Variants in MAML3 observed in about 807,000 individuals in gnomAD.
The protein encoded by MAML3 is mastermind like transcriptional coactivator 3.
A neutral mutation model predicts 101.9 loss-of-function variants in MAML3; 27 were observed. That is an observed-to-expected ratio of 0.27 (90% CI 0.20 to 0.37). MAML3 has a LOEUF of 0.37. Among genes scored for constraint, MAML3 ranks in the 10% least tolerant of loss-of-function variants. MAML3 has a pLI of 1.00. For missense variants in MAML3, 1,316 were observed against 1,444.9 expected (o/e 0.91, Z 1.45); for synonymous variants, 501 against 555.9 (o/e 0.90, Z 1.39).
intron 1 of MAML3, among the ~76,000 whole-genome samples, chr4:139,919,444 T>C (rs1403417248): frequency 1.3e-5 from 2 of 152,218 alleles, no homozygotes; most frequent in Non-Finnish European, 2.9e-5. Flanking sequence ...AAATGGGCAA[T>C]TTGGATGTCA....
At chr4:139,730,388 G>A (rs558512313) in intron 3 of MAML3, 28 bp downstream of exon 3, 4 of 1,541,602 alleles carry the variant, frequency 2.6e-6, no homozygotes, top group Non-Finnish European at 3.5e-6. Context: ...CTGAATGAAT[G>A]AATGAATCAC....
intron 1 of MAML3, among the ~76,000 whole-genome samples, chr4:139,945,579 T>C (rs1026212215): frequency 3.9e-5 from 6 of 152,226 alleles, no homozygotes; most frequent in African/African-American, 1.4e-4. Flanking sequence ...AGTCAAAGGT[T>C]TAATTGCATG....
intron 1 of MAML3, among the ~76,000 whole-genome samples, chr4:140,117,682 T>C (rs1279666660): frequency 6.6e-6 from 1 of 151,756 alleles, no homozygotes; most frequent in Non-Finnish European, 1.5e-5. Flanking sequence ...TACGTATGTG[T>C]ATATATAATC....
chr4:139,972,305 C>A (rs1458038529), intron 1 of MAML3, among the ~76,000 whole-genome samples: 1 of 152,222 alleles, frequency 6.6e-6, no homozygotes, highest in Admixed American at 6.5e-5. Context: ...ACAGTGGTAG[C>A]CACATTGGGC....
chr4:140,130,396 G>A (rs1259358845), intron 1 of MAML3, among the ~76,000 whole-genome samples: 1 of 152,184 alleles, frequency 6.6e-6, no homozygotes, highest in African/African-American at 2.4e-5. Flanking sequence ...TCAACTAAAA[G>A]TGGTACAGTA....
chr4:140,087,576 T>C (rs192305022), intron 1 of MAML3, among the ~76,000 whole-genome samples: 100 of 152,380 alleles, frequency 6.6e-4, no homozygotes, highest in Middle Eastern at 3.4e-3. Flanking sequence ...CACCAAAGTG[T>C]AAGTGAAGAT....
intron 2 of MAML3, among the ~76,000 whole-genome samples, chr4:139,801,631 A>AGGG (rs1387710395): frequency 1.4e-5 from 1 of 70,520 alleles, no homozygotes; most frequent in African/African-American, 4.9e-5. Flanking sequence ...GAGCAGGAAC[A>AGGG]GGGTGTGTGT....
At chr4:139,850,665 C>A (rs889095875) in intron 2 of MAML3, among the ~76,000 whole-genome samples, 1 of 151,910 alleles carries the variant, frequency 6.6e-6, no homozygotes, top group Non-Finnish European at 1.5e-5. Flanking sequence ...CTCAGCCTCC[C>A]GAGTAGCTGG....
intron 1 of MAML3, among the ~76,000 whole-genome samples, chr4:140,069,320 CAAGAAGAAGGAG>C (rs1232181037): frequency 2.2e-5 from 3 of 138,310 alleles, no homozygotes; most frequent in East Asian, 2.2e-4. Flanking sequence ...AGACTCTGTC[CAAGAAGAAGGAG>C]AAGGAGAAGG....
intron 2 of MAML3, among the ~76,000 whole-genome samples, chr4:139,768,700 G>A (rs542801971): frequency 1.3e-5 from 2 of 152,312 alleles, no homozygotes; most frequent in South Asian, 4.1e-4. Context: ...TAGCCTTGGT[G>A]GGCCAGGGCA....
intron 1 of MAML3, among the ~76,000 whole-genome samples, chr4:140,053,627 A>G (rs911262550): frequency 5.9e-5 from 9 of 152,218 alleles, no homozygotes; most frequent in African/African-American, 2.2e-4. Context: ...TTTTTGACTG[A>G]ATATATCAGG....
At chr4:139,745,984 T>A (rs528438007) in intron 2 of MAML3, among the ~76,000 whole-genome samples, 29 of 152,238 alleles carry the variant, frequency 1.9e-4, no homozygotes, top group Non-Finnish European at 3.5e-4. Flanking sequence ...TGCTACTAAA[T>A]GTTTCATTCA....
At chr4:139,839,904 G>T (rs1475662118) in intron 2 of MAML3, among the ~76,000 whole-genome samples, 1 of 152,072 alleles carries the variant, frequency 6.6e-6, no homozygotes, top group Non-Finnish European at 1.5e-5. Flanking sequence ...CCAGCAGTGG[G>T]GATTACTATC....
rs760472206 is a variant in MAML3, at chr4:139,890,359, G to A, written c.1077C>T (p.Ser359=). ...PLSQESASVK[S]DPSHSPFAHV... ...GTGCGAAGGGAGAGTGAGAGGGGTC[G>A]CTCTTCACGCTCGCACTCTCCTGGG... The change falls in exon 2 of 5, where the codon AGC becomes AGT. Residue 359 remains serine, a synonymous_variant. Coordinates refer to ENST00000509479, the MANE Select transcript of MAML3 (RefSeq NM_018717.5). This position sits in a 1 kb window ranked among gnomAD's most constrained non-coding sequence, Gnocchi z 4.1. 6.9e-6 allele frequency: 11 copies of A among 1,601,548 alleles called. No homozygotes were observed. Among genetic ancestry groups the A allele is most frequent in the Admixed American group, 1.7e-5 (1 of 59,276 alleles).
rs117805268 is a variant in MAML3 at position 139,735,841 on chromosome 4, C to A, written c.2080-5174G>T. ...AACAAAGAAGCCCACGAGGCGGTCC[C>A]GGGCGCGGGCAGGGGCGGTGCGGCG... On this transcript the variant is annotated intron_variant, in intron 2 of 4. Transcript: ENST00000509479. This position sits in a 1 kb window ranked among gnomAD's most constrained non-coding sequence, Gnocchi z 5.8. 0.064 allele frequency among the ~76,000 whole-genome samples: 9,669 copies of A among 151,674 alleles called. 391 individuals carry two copies. The highest frequency in any genetic ancestry group is 0.098 in the East Asian group (500 of 5,082).
rs1578628760 is a variant in MAML3 at position 139,846,962 on chromosome 4, C to T, written c.2079+42395G>A. 2.0e-5 allele frequency among the ~76,000 whole-genome samples: 3 copies of T among 152,224 alleles called. No homozygotes were observed. The South Asian group carries it at 6.2e-4, about 32-fold the overall frequency. On this transcript the variant is annotated intron_variant, in intron 2 of 4. Coordinates refer to ENST00000509479, the MANE Select transcript of MAML3 (RefSeq NM_018717.5). The stretch of plus-strand genomic sequence containing the variant: ...TGAGACTGGAGGGATCTGCTTCTTC[C>T]CACATCATTCAGTAAGATTTTCACA...
intron 1 of MAML3, among the ~76,000 whole-genome samples, chr4:139,976,965 G>A (rs1287383682): frequency 6.6e-6 from 1 of 150,838 alleles, no homozygotes; most frequent in Non-Finnish European, 1.5e-5. Flanking sequence ...AAATTCATAT[G>A]TTAAAACCTG....
At chr4:139,722,572 A>G (rs141876673) in intron 4 of MAML3, among the ~76,000 whole-genome samples, 102 of 152,346 alleles carry the variant, frequency 6.7e-4, no homozygotes, top group Admixed American at 1.4e-3. Context: ...ATATTCAAAT[A>G]CAGATGATAG....
At chr4:140,107,686 G>A (rs1728375258) in intron 1 of MAML3, among the ~76,000 whole-genome samples, 2 of 151,634 alleles carry the variant, frequency 1.3e-5, no homozygotes, top group Non-Finnish European at 2.9e-5. Context: ...TGTATTTTTA[G>A]TAGAGATCGG....
Sources: gnomAD v4.1 joint callset for allele counts (sites outside exome capture counted in the v4.1 genomes callset) on GRCh38, gnomAD v4.1.1 for gene constraint, Gnocchi (gnomAD v3.1) non-coding constraint, MANE v1.5 for transcripts, NCBI Gene and HGNC (gene_info 2026-07-23, HGNC 2026-07-21) for gene names.